RGL1: variants seen among roughly 807,000 people sequenced by gnomAD.
RGL1 encodes ral guanine nucleotide dissociation stimulator-like 1.
RGL1 carries 24 observed loss-of-function variants against 95.2 expected under a neutral mutation model. The observed-to-expected ratio is 0.25, with a 90% CI of 0.18 to 0.35. The LOEUF (loss-of-function observed/expected upper bound fraction) is 0.35. Ranked by LOEUF, RGL1 falls within the 10% of genes least tolerant of loss-of-function variation. The probability of loss-of-function intolerance (pLI) is 1.00; values close to 1 mark genes in which losing one functional copy is unlikely to be tolerated. For synonymous variants in RGL1, 329 were observed against 344.9 expected, an observed-to-expected ratio of 0.95 and a Z score of 0.51; for missense variants, 715 against 936.3, an observed-to-expected ratio of 0.76 and a Z score of 3.08.
intron 1 of RGL1, among the ~76,000 whole-genome samples, chr1:183,642,889 C>T (rs928945487): frequency 1.3e-5 from 2 of 152,224 alleles, no homozygotes; most frequent in African/African-American, 2.4e-5. Flanking sequence ...TACCAACATC[C>T]ATCTCCAGAC....
chr1:183,638,316 A>G (rs908154286), intron 1 of RGL1, among the ~76,000 whole-genome samples: 1 of 152,184 alleles, frequency 6.6e-6, no homozygotes, highest in South Asian at 2.1e-4. Flanking sequence ...TATTGCATTT[A>G]AGATGTGAAA....
At position 183,650,314 on chromosome 1, in the gene RGL1, T is replaced by C. The variant is rs1650633628; in HGVS notation, c.-33+13813T>C. On this transcript the variant is annotated intron_variant, in intron 1 of 18. Transcript: ENST00000304685. ...ATCCCAGCACTTTGGGAGGCCAGGGTGGGCGGATCATGAGGTCAGGAGATG... is the reference window on the plus strand; with the variant it reads ...ATCCCAGCACTTTGGGAGGCCAGGGCGGGCGGATCATGAGGTCAGGAGATG... Among the ~76,000 whole-genome samples, 3 of 152,030 alleles carry C rather than the reference T, an allele frequency of 2.0e-5. No homozygotes were observed. In the South Asian group the frequency reaches 6.2e-4, roughly 32 times the overall value.
At chr1:183,782,394 C>T (rs182897214) in intron 2 of RGL1, among the ~76,000 whole-genome samples, 10 of 152,314 alleles carry the variant, frequency 6.6e-5, no homozygotes, top group Non-Finnish European at 1.3e-4. Flanking sequence ...GAGCTCATTA[C>T]ATGGACAGGG....
rs188641766 is a variant in RGL1, at chr1:183,840,604, T to C, written c.139-6962T>C. 2.8e-3 allele frequency among the ~76,000 whole-genome samples: 419 copies of C among 152,236 alleles called. 2 individuals are homozygous for C. Among genetic ancestry groups the C allele is most frequent in the African/African-American group, 9.7e-3 (403 of 41,526 alleles). On this transcript the variant is annotated intron_variant, in intron 2 of 17. Transcript: ENST00000360851. Reference sequence around the variant, plus strand: ...CAGGCCAGGTATGGTGGCTCATGCCTGTAATGCTAGCACTTTGAGAGGCCA... The same window carrying C: ...CAGGCCAGGTATGGTGGCTCATGCCCGTAATGCTAGCACTTTGAGAGGCCA...
rs140653182 is a variant in RGL1, at chr1:183,867,016, C to T, written c.425+943C>T. The stretch of plus-strand genomic sequence containing the variant: ...CTTCCCAGGGTTGCGGTTTGAGCAG[C>T]GGAGAGACAGAACCTTGGCTTTATA... On this transcript the variant is annotated intron_variant, in intron 4 of 17. Coordinates refer to ENST00000360851, the MANE Select transcript of RGL1 (RefSeq NM_001297671.3). 6.2e-4 allele frequency among the ~76,000 whole-genome samples: 95 copies of T among 152,146 alleles called. No homozygotes were observed. In the East Asian group the frequency reaches 0.016, roughly 26 times the overall value.
intron 1 of RGL1, among the ~76,000 whole-genome samples, chr1:183,655,140 T>C (rs1000075133): frequency 2.6e-5 from 4 of 152,236 alleles, no homozygotes; most frequent in Non-Finnish European, 5.9e-5. Flanking sequence ...ATTATGAGAT[T>C]ATAATGAAGA....
At chr1:183,827,479 G>C (rs556837348) in intron 2 of RGL1, among the ~76,000 whole-genome samples, 1 of 152,218 alleles carries the variant, frequency 6.6e-6, no homozygotes, top group African/African-American at 2.4e-5. Flanking sequence ...ATTGTAGGAC[G>C]TCAGTGGCCT....
At chr1:183,647,622 A>G in intron 1 of RGL1, 1 of 1,506,674 alleles carries the variant, frequency 6.6e-7, no homozygotes, top group African/African-American at 1.4e-5. Flanking sequence ...CCAGATTTTT[A>G]TTGCCTATCT....
chr1:183,854,403 C>T (rs1038306560), intron 3 of RGL1, among the ~76,000 whole-genome samples: 8 of 152,164 alleles, frequency 5.3e-5, no homozygotes, highest in African/African-American at 1.9e-4. Context: ...TATAGTACCA[C>T]CGTGGGAACA....
intron 1 of RGL1, among the ~76,000 whole-genome samples, chr1:183,720,328 C>T (rs1369813130): frequency 1.3e-5 from 2 of 152,236 alleles, no homozygotes; most frequent in African/African-American, 2.4e-5. Flanking sequence ...AACGGCCAAT[C>T]CTTTGCCTCT....
intron 1 of RGL1, among the ~76,000 whole-genome samples, chr1:183,700,206 TC>T (rs1201757712): frequency 6.6e-6 from 1 of 152,202 alleles, no homozygotes; most frequent in Non-Finnish European, 1.5e-5. Context: ...ACTAGCCACT[TC>T]AATTATGATG....
intron 9 of RGL1, among the ~76,000 whole-genome samples, chr1:183,894,903 A>G (rs1015329022): frequency 6.6e-6 from 1 of 152,176 alleles, no homozygotes; most frequent in Non-Finnish European, 1.5e-5. Context: ...ATTTCCTCTC[A>G]AAGACTATCT....
chr1:183,755,360 A>G (rs941201374), intron 2 of RGL1, among the ~76,000 whole-genome samples: 1 of 152,174 alleles, frequency 6.6e-6, no homozygotes, highest in Admixed American at 6.5e-5. Context: ...TATTATTTTC[A>G]TTTTCAATGT....
intron 1 of RGL1, among the ~76,000 whole-genome samples, chr1:183,711,023 G>T (rs935475859): frequency 3.3e-5 from 5 of 152,142 alleles, no homozygotes; most frequent in Non-Finnish European, 7.4e-5. Context: ...TCTCACTTGG[G>T]ATGTCTCTGC....
chr1:183,913,187 T>C (rs920531849), intron 15 of RGL1, among the ~76,000 whole-genome samples: 3 of 103,680 alleles, frequency 2.9e-5, no homozygotes, highest in African/African-American at 9.8e-5. Context: ...GTCTTCTTTT[T>C]TTTTTTTTTT....
intron 3 of RGL1, among the ~76,000 whole-genome samples, chr1:183,854,405 G>A (rs1665011945): frequency 1.3e-5 from 2 of 152,292 alleles, no homozygotes; most frequent in East Asian, 1.9e-4. Flanking sequence ...TAGTACCACC[G>A]TGGGAACAGA....
intron 1 of RGL1, among the ~76,000 whole-genome samples, chr1:183,644,867 G>A (rs903803808): frequency 5.9e-5 from 9 of 152,200 alleles, no homozygotes; most frequent in African/African-American, 2.2e-4. Flanking sequence ...TATATAAATT[G>A]GATTGTAGCT....
At chr1:183,868,725 T>C (rs771310403) in intron 4 of RGL1, among the ~76,000 whole-genome samples, 12 of 152,260 alleles carry the variant, frequency 7.9e-5, no homozygotes, top group Non-Finnish European at 1.8e-4. Flanking sequence ...GATTCAGAAA[T>C]AGACATGTTA....
rs559029689 is a variant in RGL1 at position 183,683,648 on chromosome 1, G to T, written c.-33+47147G>T. On this transcript the variant is annotated intron_variant, in intron 1 of 18. Coordinates refer to the RGL1 transcript ENST00000304685. ...GAATGTGACGATTATGTGTCTTGGG[G>T]TTGCTCTTCTCGAGGAGTGTCTTTG... is the stretch of plus-strand genomic sequence containing the variant. 1.6e-4 allele frequency among the ~76,000 whole-genome samples: 24 copies of T among 152,248 alleles called. No individual in the cohort carries two copies. The South Asian group carries it at 2.9e-3, about 18-fold the overall frequency.
Sources: gnomAD v4.1 joint callset for allele counts (sites outside exome capture counted in the v4.1 genomes callset) on GRCh38, gnomAD v4.1.1 for gene constraint, MANE v1.5 for transcripts, NCBI Gene and HGNC (gene_info 2026-07-23, HGNC 2026-07-21) for gene names.